Variants in LPCAT2 observed in about 807,000 individuals in gnomAD.
LPCAT2 encodes the protein lysophosphatidylcholine acyltransferase 2.
LPCAT2 carries 58 observed loss-of-function variants against 64.7 expected under a neutral mutation model. That is an observed-to-expected ratio of 0.90 (90% confidence interval 0.73 to 1.12). The LOEUF (loss-of-function observed/expected upper bound fraction) is 1.12. LPCAT2 is among the 50% of genes most tolerant of loss of function. The probability of loss-of-function intolerance (pLI) is 0.00; values close to 1 mark genes in which losing one functional copy is unlikely to be tolerated. For missense variants in LPCAT2, 579 were observed against 669.8 expected (o/e 0.86, Z 1.50); for synonymous variants, 252 against 245.3 (o/e 1.03, Z -0.26).
At chr16:55,557,540 C>A (rs769939461) in intron 11 of LPCAT2, among the ~76,000 whole-genome samples, 1 of 152,150 alleles carries the variant, frequency 6.6e-6, no homozygotes, top group Non-Finnish European at 1.5e-5. Context: ...AAACTAAGTA[C>A]ACAATGGGAG....
intron 1 of LPCAT2, among the ~76,000 whole-genome samples, chr16:55,522,119 T>G (rs1400589228): frequency 6.6e-6 from 1 of 151,708 alleles, no homozygotes; most frequent in Non-Finnish European, 1.5e-5. Context: ...AACAACTAAC[T>G]ACTAGAACTA....
chr16:55,531,304 A>G (rs1596858554), intron 4 of LPCAT2, among the ~76,000 whole-genome samples: 2 of 152,152 alleles, frequency 1.3e-5, no homozygotes, highest in Non-Finnish European at 2.9e-5. Flanking sequence ...TTAAGTTGCT[A>G]TTTTACTTAA....
intron 11 of LPCAT2, among the ~76,000 whole-genome samples, chr16:55,562,087 A>G (rs1194486240): frequency 7.2e-5 from 11 of 151,948 alleles, no homozygotes; most frequent in African/African-American, 2.4e-5. Context: ...AGTTTCTACA[A>G]TTACTTGTGA....
chr16:55,527,566 C>T (rs758695928), intron 2 of LPCAT2, among the ~76,000 whole-genome samples: 2 of 151,376 alleles, frequency 1.3e-5, no homozygotes, highest in Non-Finnish European at 2.9e-5. Context: ...TGCTTATTCA[C>T]ATACTGAGAT....
At chr16:55,550,869 T>C in intron 10 of LPCAT2, 80 bp from the exon 11 acceptor site, 1 of 1,173,496 alleles carries the variant, frequency 8.5e-7, no homozygotes, top group Non-Finnish European at 1.2e-6. Flanking sequence ...CCAGATACAT[T>C]AATAAAATAA....
chr16:55,532,340 G>A (rs1482731872), intron 5 of LPCAT2: 1 of 173,654 alleles, frequency 5.8e-6, no homozygotes, highest in African/African-American at 2.4e-5. Flanking sequence ...TTAGAAGTCA[G>A]TGAATGCAGC....
At chr16:55,545,903 T>G (rs568512238) in intron 9 of LPCAT2, 86 bp downstream of exon 9, 3 of 1,054,908 alleles carry the variant, frequency 2.8e-6, no homozygotes, top group East Asian at 4.9e-5. Flanking sequence ...GATTTTTTTT[T>G]GACCCCTGAA....
intron 11 of LPCAT2, among the ~76,000 whole-genome samples, chr16:55,571,890 C>A (rs1963774264): frequency 6.6e-6 from 1 of 152,074 alleles, no homozygotes; most frequent in Non-Finnish European, 1.5e-5. Context: ...ACTTTTGTCT[C>A]ATTTTTTTCA....
rs117343519 is a variant in LPCAT2 at position 55,516,940 on chromosome 16, T to A, written c.171+7588T>A. On this transcript the variant is annotated intron_variant, in intron 1 of 13. Coordinates refer to ENST00000262134, the MANE Select transcript of LPCAT2 (RefSeq NM_017839.5). ...TTAAAATAATACAAAGTATGTTCTC[T>A]GACCACAGTGGATTGAAAGTAGAAA... is the stretch of plus-strand genomic sequence containing the variant. Among the ~76,000 whole-genome samples the A allele has an allele frequency of 2.7e-3, 418 of 152,318 alleles. 10 individuals carry two copies. In the South Asian group the frequency reaches 0.05, roughly 18 times the overall value.
At chr16:55,514,611 A>G (rs548584008) in intron 1 of LPCAT2, among the ~76,000 whole-genome samples, 2 of 152,342 alleles carry the variant, frequency 1.3e-5, no homozygotes, top group South Asian at 4.1e-4. Flanking sequence ...GGGGATGAGA[A>G]TAATTTCCAG....
chr16:55,572,494 C>T (rs1219722628), intron 11 of LPCAT2, among the ~76,000 whole-genome samples: 1 of 152,174 alleles, frequency 6.6e-6, no homozygotes, highest in East Asian at 1.9e-4. Flanking sequence ...AGAAGCTCCT[C>T]AACCTCTAAG....
chr16:55,566,907 G>C, intron 11 of LPCAT2: 1 of 1,613,840 alleles, frequency 6.2e-7, no homozygotes, highest in Middle Eastern at 1.6e-4. Context: ...TATCAGTGAG[G>C]CTGCAGCAGC....
intron 8 of LPCAT2, among the ~76,000 whole-genome samples, chr16:55,542,534 C>T (rs1037320526): frequency 2.6e-5 from 4 of 151,940 alleles, no homozygotes; most frequent in African/African-American, 9.7e-5. Flanking sequence ...TCTCAGTGGT[C>T]CCTAACAGGA....
intron 1 of LPCAT2, among the ~76,000 whole-genome samples, chr16:55,517,745 A>C (rs930888886): frequency 6.6e-6 from 1 of 152,218 alleles, no homozygotes; most frequent in African/African-American, 2.4e-5. Flanking sequence ...AAATAGACAC[A>C]GAAAAACGAT....
chr16:55,546,066 A>C (rs1963450534), intron 9 of LPCAT2, among the ~76,000 whole-genome samples: 1 of 152,138 alleles, frequency 6.6e-6, no homozygotes, highest in South Asian at 2.1e-4. Context: ...TAACCAGAAA[A>C]GACCAGTTAG....
chr16:55,515,313 G>T (rs1318125541), intron 1 of LPCAT2, among the ~76,000 whole-genome samples: 2 of 152,162 alleles, frequency 1.3e-5, no homozygotes, highest in Admixed American at 6.5e-5. Flanking sequence ...GAGCCACAGA[G>T]ACCACAAGGG....
chr16:55,567,060 A>G, intron 11 of LPCAT2: 1 of 1,613,876 alleles, frequency 6.2e-7, no homozygotes, highest in Non-Finnish European at 8.5e-7. Context: ...TGATCTGATG[A>G]ATATTCTCAA....
intron 11 of LPCAT2, among the ~76,000 whole-genome samples, chr16:55,563,288 A>C (rs137939756): frequency 6.6e-6 from 1 of 152,100 alleles, no homozygotes; most frequent in African/African-American, 2.4e-5. Context: ...GGAAAATTCC[A>C]CCAAACATTG....
Position 55,585,798 on chromosome 16 carries a change from G to A in LPCAT2, c.*2700G>A, listed in dbSNP as rs1963938569. The A allele has an allele frequency of 6.6e-6, 1 of 152,126 alleles. No individual in the cohort carries two copies. Among genetic ancestry groups the A allele is most frequent in the South Asian group, 2.1e-4 (1 of 4,830 alleles). 9.4% of individuals were successfully genotyped at this position (152,126 alleles called of 1,614,324 possible). On this transcript the variant is annotated 3_prime_UTR_variant, in exon 14 of 14. Transcript: ENST00000262134. Reference sequence around the variant, plus strand: ...ACTGCCTCGCTTTTAGAAGACATCTGGTCTGCTCTCTGCATGAGGCACAGC... The same window carrying A: ...ACTGCCTCGCTTTTAGAAGACATCTAGTCTGCTCTCTGCATGAGGCACAGC...
Sources: allele counts gnomAD v4.1 joint callset (sites outside exome capture counted in the v4.1 genomes callset), GRCh38; gene constraint gnomAD v4.1.1; transcripts MANE v1.5; gene names NCBI Gene and HGNC (gene_info 2026-07-23, HGNC 2026-07-21).